Variants in NAALADL2 observed in about 807,000 individuals in gnomAD.
NAALADL2 encodes the protein N-acetylated alpha-linked acidic dipeptidase like 2, also known as inactive N-acetylated-alpha-linked acidic dipeptidase-like protein 2.
In NAALADL2, 76 loss-of-function variants were observed where a neutral mutation model predicts 87.2. The observed-to-expected ratio is 0.87, with a 90% confidence interval of 0.72 to 1.05. NAALADL2 has a LOEUF of 1.05. Among genes scored for constraint, NAALADL2 ranks in the 50% least tolerant of loss-of-function variants. The pLI, the probability that NAALADL2 is intolerant of heterozygous loss-of-function variation, is 0.00. For synonymous variants in NAALADL2, 354 were observed against 331.0 expected (o/e 1.07, Z -0.75); for missense variants, 1,089 against 945.8 (o/e 1.15, Z -1.99).
At chr3:175,068,091 C>T (rs540483033) in intron 1 of NAALADL2, among the ~76,000 whole-genome samples, 5 of 151,926 alleles carry the variant, frequency 3.3e-5, no homozygotes, top group South Asian at 2.1e-4. Flanking sequence ...CTATTACAGT[C>T]GGGGGAAAGG....
At chr3:175,180,695 A>C (rs112310334) in intron 2 of NAALADL2, among the ~76,000 whole-genome samples, 3 of 150,402 alleles carry the variant, frequency 2.0e-5, no homozygotes, top group East Asian at 3.9e-4. Context: ...TTATTATCAT[A>C]ATCATAAATA....
intron 11 of NAALADL2, among the ~76,000 whole-genome samples, chr3:175,705,945 A>C (rs1041701439): frequency 6.6e-6 from 1 of 152,304 alleles, no homozygotes; most frequent in African/African-American, 2.4e-5. Context: ...GAAAGGACAT[A>C]CCTTGGCAAA....
intron 1 of NAALADL2, among the ~76,000 whole-genome samples, chr3:174,478,086 T>C (rs1318966712): frequency 6.6e-6 from 1 of 152,182 alleles, no homozygotes; most frequent in Non-Finnish European, 1.5e-5. Context: ...TTTTCCATTT[T>C]ACGTGTGATC....
At chr3:174,873,900 C>A (rs545935641) in intron 1 of NAALADL2, among the ~76,000 whole-genome samples, 1 of 151,796 alleles carries the variant, frequency 6.6e-6, no homozygotes, top group African/African-American at 2.4e-5. Flanking sequence ...ATAAAGAATT[C>A]TGCCATCAAA....
At chr3:175,393,514 A>G (rs1369953865) in intron 5 of NAALADL2, among the ~76,000 whole-genome samples, 2 of 152,042 alleles carry the variant, frequency 1.3e-5, no homozygotes, top group African/African-American at 4.8e-5. Context: ...AAGAACTACA[A>G]GTATAGTGCA....
intron 4 of NAALADL2, among the ~76,000 whole-genome samples, chr3:175,314,118 TA>T: frequency 6.6e-6 from 1 of 151,680 alleles, no homozygotes; most frequent in East Asian, 1.9e-4. Context: ...CTTTCTCTCT[TA>T]CCTTCTCTGG....
chr3:174,644,781 G>A (rs563951208), intron 2 of NAALADL2, among the ~76,000 whole-genome samples: 41 of 152,278 alleles, frequency 2.7e-4, no homozygotes, highest in African/African-American at 9.4e-4. Flanking sequence ...CAAGATATTT[G>A]TGCCTCTTCT....
intron 13 of NAALADL2, among the ~76,000 whole-genome samples, chr3:175,797,088 T>C (rs1576861558): frequency 6.6e-6 from 1 of 152,122 alleles, no homozygotes; most frequent in South Asian, 2.1e-4. Flanking sequence ...CTGGTCACCA[T>C]GATGTGTCAT....
intron 4 of NAALADL2, among the ~76,000 whole-genome samples, chr3:175,273,369 T>G (rs1348543186): frequency 2.0e-5 from 3 of 152,258 alleles, no homozygotes; most frequent in South Asian, 4.1e-4. Flanking sequence ...ACCAAGGCAA[T>G]TTATCTTTCT....
intron 10 of NAALADL2, among the ~76,000 whole-genome samples, chr3:175,617,961 G>C (rs2149690149): frequency 6.6e-6 from 1 of 152,240 alleles, no homozygotes; most frequent in South Asian, 2.1e-4. Context: ...GGGGTCCCAT[G>C]TAGGGTCCTC....
intron 1 of NAALADL2, among the ~76,000 whole-genome samples, chr3:175,009,862 A>C (rs184583575): frequency 1.1e-3 from 174 of 152,168 alleles, no homozygotes; most frequent in Middle Eastern, 0.01. Flanking sequence ...TGCCGAGTTT[A>C]CTTATTAGTT....
intron 2 of NAALADL2, among the ~76,000 whole-genome samples, chr3:175,158,411 C>T (rs1376237804): frequency 1.3e-5 from 2 of 148,552 alleles, no homozygotes; most frequent in East Asian, 2.0e-4. Context: ...AAGCCATCAT[C>T]AGGAACCCAA....
intron 9 of NAALADL2, among the ~76,000 whole-genome samples, chr3:175,537,353 T>G (rs996015822): frequency 4.6e-5 from 7 of 152,162 alleles, no homozygotes; most frequent in Non-Finnish European, 8.8e-5. Flanking sequence ...TACTGTAAAA[T>G]TAGAGATTTT....
intron 9 of NAALADL2, among the ~76,000 whole-genome samples, chr3:175,529,355 G>A (rs113296774): frequency 0.023 from 3,436 of 152,144 alleles, 137 homozygotes; most frequent in African/African-American, 0.079. Context: ...CCTCCCTCTG[G>A]AACTAAGATC....
intron 1 of NAALADL2, among the ~76,000 whole-genome samples, chr3:175,054,445 A>G (rs977206473): frequency 9.2e-5 from 14 of 152,222 alleles, no homozygotes; most frequent in African/African-American, 3.1e-4. Context: ...GGGTTGTATA[A>G]CTGAATTGAT....
chr3:174,991,073 TAACAG>T (rs1746669489), intron 1 of NAALADL2, among the ~76,000 whole-genome samples: 2 of 152,182 alleles, frequency 1.3e-5, no homozygotes, highest in Non-Finnish European at 2.9e-5. Flanking sequence ...TCCTTGTAAT[TAACAG>T]AAACTAATTT....
At chr3:175,344,818 A>G (rs1258135080) in intron 5 of NAALADL2, among the ~76,000 whole-genome samples, 1 of 152,154 alleles carries the variant, frequency 6.6e-6, no homozygotes, top group Non-Finnish European at 1.5e-5. Context: ...TAATTTATTA[A>G]CTACATTAGA....
chr3:174,503,469 T>A (rs749490541), intron 1 of NAALADL2, among the ~76,000 whole-genome samples: 1 of 152,186 alleles, frequency 6.6e-6, no homozygotes, highest in Non-Finnish European at 1.5e-5. Context: ...ACAGATAATA[T>A]TTATTTTTGG....
intron 1 of NAALADL2, among the ~76,000 whole-genome samples, chr3:174,952,631 A>T (rs986183707): frequency 6.6e-6 from 1 of 152,130 alleles, no homozygotes; most frequent in Admixed American, 6.6e-5. Flanking sequence ...GGACTGAAAC[A>T]TGGTAATGGG....
Sources: allele counts gnomAD v4.1 joint callset (sites outside exome capture counted in the v4.1 genomes callset), GRCh38; gene constraint gnomAD v4.1.1; transcripts MANE v1.5; gene names NCBI Gene and HGNC (gene_info 2026-07-23, HGNC 2026-07-21).